Variants in THRB observed in about 807,000 individuals in gnomAD.
THRB encodes the protein thyroid hormone receptor beta, also known as nuclear receptor subfamily 1 group A member 2.
Under a neutral mutation model 47.8 loss-of-function variants are expected in THRB, and 12 were observed. The observed-to-expected ratio is 0.25, with a 90% CI of 0.16 to 0.41. THRB has a LOEUF of 0.41. Among genes scored for constraint, THRB ranks in the 10% least tolerant of loss-of-function variants. THRB has a pLI of 1.00. For synonymous variants in THRB, 218 were observed against 212.2 expected, an observed-to-expected ratio of 1.03 and a Z score of -0.24; for missense variants, 348 against 589.2, an observed-to-expected ratio of 0.59 and a Z score of 4.24.
chr3:24,489,279 T>C (rs1697787867), intron 1 of THRB, among the ~76,000 whole-genome samples: 1 of 152,022 alleles, frequency 6.6e-6, no homozygotes. Flanking sequence ...TAAACCACTA[T>C]ACCAATATCA....
At chr3:24,400,299 G>A (rs1205104983) in intron 1 of THRB, among the ~76,000 whole-genome samples, 1 of 151,978 alleles carries the variant, frequency 6.6e-6, no homozygotes, top group East Asian at 1.9e-4. Context: ...TCAATGTGAG[G>A]GACATTTTTA....
chr3:24,250,066 A>C (rs940027731), intron 3 of THRB, among the ~76,000 whole-genome samples: 2 of 152,208 alleles, frequency 1.3e-5, no homozygotes, highest in African/African-American at 2.4e-5. Flanking sequence ...GAAATAAGAC[A>C]TGACTGTTGG....
At chr3:24,372,425 C>G (rs1318380994) in intron 1 of THRB, among the ~76,000 whole-genome samples, 1 of 152,050 alleles carries the variant, frequency 6.6e-6, no homozygotes, top group African/African-American at 2.4e-5. Context: ...TCACCATGTC[C>G]TGGAGAGGAT....
intron 3 of THRB, among the ~76,000 whole-genome samples, chr3:24,264,430 A>C (rs1444848133): frequency 2.0e-5 from 3 of 152,118 alleles, no homozygotes; most frequent in Non-Finnish European, 4.4e-5. Context: ...GTTGCAGACA[A>C]AGTTTGGACA....
intron 2 of THRB, among the ~76,000 whole-genome samples, chr3:24,317,883 C>G (rs1428759078): frequency 6.6e-6 from 1 of 152,008 alleles, no homozygotes; most frequent in Non-Finnish European, 1.5e-5. Context: ...ATGGCAAAAC[C>G]TCATCTCTAC....
intron 1 of THRB, among the ~76,000 whole-genome samples, chr3:24,424,301 C>T (rs1274485031): frequency 2.6e-5 from 4 of 151,888 alleles, no homozygotes; most frequent in Middle Eastern, 3.4e-3. Context: ...TAGCTAAGAC[C>T]GAAAACATTG....
chr3:24,469,255 T>A (rs1237747469), intron 1 of THRB, among the ~76,000 whole-genome samples: 2 of 152,158 alleles, frequency 1.3e-5, no homozygotes, highest in Non-Finnish European at 2.9e-5. Flanking sequence ...GCTGGATCCG[T>A]CTTGGATTTC....
At chr3:24,463,324 G>A (rs971583720) in intron 1 of THRB, among the ~76,000 whole-genome samples, 1 of 152,190 alleles carries the variant, frequency 6.6e-6, no homozygotes, top group Non-Finnish European at 1.5e-5. Flanking sequence ...GCAGTGGTGT[G>A]ATCATAGCTC....
chr3:24,369,738 C>T (rs2149731409), intron 1 of THRB, among the ~76,000 whole-genome samples: 1 of 152,294 alleles, frequency 6.6e-6, no homozygotes, highest in Middle Eastern at 3.4e-3. Context: ...TCTAGGTTGT[C>T]ACACAGTATG....
intron 3 of THRB, among the ~76,000 whole-genome samples, chr3:24,234,491 A>T (rs2150159247): frequency 6.6e-6 from 1 of 152,310 alleles, no homozygotes; most frequent in Middle Eastern, 3.4e-3. Context: ...TGAGTTTCTA[A>T]AAAACAAGCC....
intron 10 of THRB, among the ~76,000 whole-genome samples, chr3:24,123,512 G>C (rs915729474): frequency 6.6e-6 from 1 of 152,174 alleles, no homozygotes; most frequent in African/African-American, 2.4e-5. Flanking sequence ...GAGAGGATGA[G>C]CGTGGACATG....
intron 2 of THRB, among the ~76,000 whole-genome samples, chr3:24,329,315 A>G (rs2061774283): frequency 6.6e-6 from 1 of 151,980 alleles, no homozygotes; most frequent in African/African-American, 2.4e-5. Context: ...TGCATATTCT[A>G]CTTCCCCTGC....
Position 24,122,118 on chromosome 3 carries a change from G to A in THRB, c.*766C>T, listed in dbSNP as rs1575226498. 1 of 152,796 alleles carries A rather than the reference G, an allele frequency of 6.5e-6. No homozygotes were observed. Among genetic ancestry groups the A allele is most frequent in the East Asian group, 1.9e-4 (1 of 5,204 alleles). The allele number at this position is 152,796 out of a possible 1,614,324, so 9.5% of individuals were successfully genotyped here. The stretch of plus-strand genomic sequence containing the variant: ...GGGAAAGAAGCCTTCCTACTGTGAG[G>A]TAATACTATGTGAATTTTTGGAAAC... On this transcript the variant is annotated 3_prime_UTR_variant, in exon 11 of 11. Transcript: ENST00000646209.
At chr3:24,316,897 T>C (rs556172144) in intron 2 of THRB, among the ~76,000 whole-genome samples, 1 of 152,310 alleles carries the variant, frequency 6.6e-6, no homozygotes, top group Non-Finnish European at 1.5e-5. Context: ...TCACTCCTTT[T>C]CGTGAAAGGC....
At chr3:24,374,394 G>A (rs370162664) in intron 1 of THRB, among the ~76,000 whole-genome samples, 5 of 152,140 alleles carry the variant, frequency 3.3e-5, no homozygotes, top group African/African-American at 1.2e-4. Flanking sequence ...GTCTATTACT[G>A]TTATGGTTTA....
chr3:24,420,764 T>C (rs115516682), intron 1 of THRB, among the ~76,000 whole-genome samples: 2,491 of 151,984 alleles, frequency 0.016, 67 homozygotes, highest in African/African-American at 0.055. Context: ...TGTAAATTAC[T>C]ACAACCATTG....
intron 1 of THRB, chr3:24,455,323 C>T (rs1035821503): frequency 6.6e-6 from 1 of 151,752 alleles, no homozygotes; most frequent in Non-Finnish European, 1.5e-5. Context: ...AAATTCTTTT[C>T]CACTCCTAGA....
At chr3:24,253,616 G>A (rs188162566) in intron 3 of THRB, among the ~76,000 whole-genome samples, 39 of 152,308 alleles carry the variant, frequency 2.6e-4, no homozygotes, top group African/African-American at 9.1e-4. Flanking sequence ...CTCCAGGACG[G>A]AATTGTCACA....
intron 1 of THRB, among the ~76,000 whole-genome samples, chr3:24,383,131 C>A (rs539614456): frequency 3.9e-5 from 6 of 152,094 alleles, no homozygotes; most frequent in African/African-American, 1.2e-4. Flanking sequence ...ATATCTATTT[C>A]CTTTTGCCAG....
Sources: gnomAD v4.1 joint callset for allele counts (sites outside exome capture counted in the v4.1 genomes callset) on GRCh38, gnomAD v4.1.1 for gene constraint, MANE v1.5 for transcripts, NCBI Gene and HGNC (gene_info 2026-07-23, HGNC 2026-07-21) for gene names.